The following STAT5B variants were observed in gnomAD, a reference collection of about 807,000 sequenced individuals.
STAT5B encodes the protein transcription factor STAT5B.
Under a neutral mutation model 107.8 loss-of-function variants are expected in STAT5B, and 21 were observed. The observed-to-expected ratio is 0.19, with a 90% CI of 0.14 to 0.28. The LOEUF is 0.28. STAT5B is among the 10% of genes least tolerant of loss of function. The pLI, the probability that STAT5B is intolerant of heterozygous loss-of-function variation, is 1.00. For synonymous variants in STAT5B, 325 were observed against 401.7 expected (o/e 0.81, Z 2.28); for missense variants, 565 against 1,008.2 (o/e 0.56, Z 5.95).
chr17:42,236,772 C>T (rs2080360057), intron 1 of STAT5B, among the ~76,000 whole-genome samples: 1 of 152,160 alleles, frequency 6.6e-6, no homozygotes, highest in Non-Finnish European at 1.5e-5. Flanking sequence ...TGTCACAACT[C>T]TTCACCCCAT....
chr17:42,208,936 T>A (rs1235615723), intron 15 of STAT5B, among the ~76,000 whole-genome samples: 1 of 152,142 alleles, frequency 6.6e-6, no homozygotes, highest in Non-Finnish European at 1.5e-5. Context: ...GGTTTCACTG[T>A]GATGGCCAGG....
chr17:42,244,810 A>G (rs2080437033), intron 1 of STAT5B, among the ~76,000 whole-genome samples: 1 of 152,216 alleles, frequency 6.6e-6, no homozygotes, highest in Admixed American at 6.5e-5. Flanking sequence ...ATAATGTATT[A>G]ATCTAATGGG....
At chr17:42,267,084 C>T (rs1363416729) in intron 1 of STAT5B, among the ~76,000 whole-genome samples, 1 of 152,138 alleles carries the variant, frequency 6.6e-6, no homozygotes, top group African/African-American at 2.4e-5. Flanking sequence ...CTGTAGCCAT[C>T]ATAATGTTGT....
At chr17:42,243,055 T>C (rs2083114975) in intron 1 of STAT5B, among the ~76,000 whole-genome samples, 1 of 151,568 alleles carries the variant, frequency 6.6e-6, no homozygotes, top group Non-Finnish European at 1.5e-5. Context: ...TCTGCTGACC[T>C]TCCCTCCACT....
chr17:42,284,438 T>C, the STAT5B span, among the ~76,000 whole-genome samples: 1 of 152,132 alleles, frequency 6.6e-6, no homozygotes, highest in Admixed American at 6.5e-5. Context: ...AGCTAATTTT[T>C]GGATTTTTAG....
intron 1 of STAT5B, among the ~76,000 whole-genome samples, chr17:42,249,265 T>G (rs1366398574): frequency 6.6e-6 from 1 of 151,958 alleles, no homozygotes; most frequent in African/African-American, 2.4e-5. Context: ...TGGTGGCGCG[T>G]GACTGTAATC....
chr17:42,227,274 T>C, intron 3 of STAT5B, among the ~76,000 whole-genome samples: 1 of 150,966 alleles, frequency 6.6e-6, no homozygotes, highest in East Asian at 1.9e-4. Flanking sequence ...GAGGAGTATA[T>C]GACAACATAA....
intron 5 of STAT5B, among the ~76,000 whole-genome samples, chr17:42,220,552 G>A (rs1299557587): frequency 2.0e-5 from 3 of 152,054 alleles, no homozygotes; most frequent in African/African-American, 7.2e-5. Context: ...TTGAGAGGCT[G>A]GAAGGGGCCC....
Position 42,210,479 on chromosome 17 carries a change from T to G in STAT5B, c.1699A>C (p.Asn567His). The change falls in exon 14 of 19, where the codon AAT (asparagine) becomes CAT (histidine). Residue 567 changes from asparagine to histidine, a missense_variant. Transcript: ENST00000293328. ...QFNRENLPGRNYTFWQWFDGV... is the reference protein window; with the variant it reads ...QFNRENLPGRHYTFWQWFDGV... ...TCAAACCATTGCCAGAAAGTGTAAT[T>G]CCGTCCTGGTAAATTCTCCTGGTTG... 6.2e-7 allele frequency: 1 copy of G among 1,614,182 alleles called. No individual in the cohort carries two copies. The highest frequency in any genetic ancestry group is 8.5e-7 in the Non-Finnish European group (1 of 1,180,020).
chr17:42,204,551 A>G (rs760268516), intron 16 of STAT5B, among the ~76,000 whole-genome samples: 7 of 152,234 alleles, frequency 4.6e-5, no homozygotes, highest in Non-Finnish European at 7.3e-5. Flanking sequence ...TTTGTGCTTT[A>G]CAGTGTACAG....
chr17:42,237,258 T>C (rs1168677658), intron 1 of STAT5B, among the ~76,000 whole-genome samples: 1 of 152,132 alleles, frequency 6.6e-6, no homozygotes, highest in Non-Finnish European at 1.5e-5. Flanking sequence ...AATAAAAGTT[T>C]CAAAGTCTAA....
intron 3 of STAT5B, among the ~76,000 whole-genome samples, chr17:42,225,922 G>A (rs1567663200): frequency 6.6e-6 from 1 of 151,958 alleles, no homozygotes; most frequent in Non-Finnish European, 1.5e-5. Context: ...TAAAAAGCAG[G>A]GGGTACATGA....
chr17:42,265,499 C>T (rs558783127), intron 1 of STAT5B, among the ~76,000 whole-genome samples: 10 of 151,492 alleles, frequency 6.6e-5, no homozygotes, highest in Admixed American at 2.6e-4. Flanking sequence ...ATTACAGGCA[C>T]GTGCCACCAT....
At chr17:42,270,761 T>C (rs2080716660) in intron 1 of STAT5B, 1 of 152,182 alleles carries the variant, frequency 6.6e-6, no homozygotes, top group African/African-American at 2.4e-5. Flanking sequence ...TAGTTAGGGA[T>C]GCAGTCTCTG....
chr17:42,220,144 C>T (rs933494559), intron 5 of STAT5B, among the ~76,000 whole-genome samples: 1 of 152,224 alleles, frequency 6.6e-6, no homozygotes, highest in African/African-American at 2.4e-5. Context: ...GCTGCCAGCC[C>T]TCTTCTCGCG....
rs1373768652 is a variant in STAT5B at position 42,217,958 on chromosome 17, G to A, written c.1169+193C>T. On this transcript the variant is annotated intron_variant, in intron 9 of 18. Transcript: ENST00000293328. ...TGACCTCAGGTGATCTGCCCACCTCGGCCTCTTAAAGTGCTTGGATTACAG... is the reference window on the plus strand; with the variant it reads ...TGACCTCAGGTGATCTGCCCACCTCAGCCTCTTAAAGTGCTTGGATTACAG... 34 of 897,722 alleles carry A rather than the reference G, an allele frequency of 3.8e-5. 1 individual carries two copies. Among genetic ancestry groups the A allele is most frequent in the South Asian group, 6.6e-5 (4 of 60,302 alleles). 55.6% of individuals were successfully genotyped at this position (897,722 alleles called of 1,614,324 possible).
chr17:42,207,002 G>A (rs942015152), intron 16 of STAT5B, among the ~76,000 whole-genome samples: 6 of 150,734 alleles, frequency 4.0e-5, no homozygotes, highest in African/African-American at 1.5e-4. Context: ...TCAGCCTCCC[G>A]AGTACCTGCG....
chr17:42,272,783 C>G (rs1020344204), intron 1 of STAT5B: 12 of 152,066 alleles, frequency 7.9e-5, no homozygotes, highest in African/African-American at 2.9e-4. Flanking sequence ...GAAACCAAAC[C>G]TCAAAGATAC....
At position 42,228,800 on chromosome 17, in the gene STAT5B, G is replaced by A. The variant is rs982008734; in HGVS notation, c.129-1115C>T. ...ACAAAAGAAATTATCCGGGCGTGGCGGCATGTGCCTGTAGTCCCAGCTACT... is the reference window on the plus strand; with the variant it reads ...ACAAAAGAAATTATCCGGGCGTGGCAGCATGTGCCTGTAGTCCCAGCTACT... On this transcript the variant is annotated intron_variant, in intron 2 of 18. Transcript: ENST00000293328. Among the ~76,000 whole-genome samples the A allele has an allele frequency of 5.9e-5, 9 of 152,262 alleles. 1 individual carries two copies. Among genetic ancestry groups the A allele is most frequent in the African/African-American group, 1.4e-4 (6 of 41,554 alleles).
Sources: gnomAD v4.1 joint callset for allele counts (sites outside exome capture counted in the v4.1 genomes callset) on GRCh38, gnomAD v4.1.1 for gene constraint, MANE v1.5 for transcripts, NCBI Gene and HGNC (gene_info 2026-07-23, HGNC 2026-07-21) for gene names.